The following NXPE4 variants were observed in gnomAD, a reference collection of about 807,000 sequenced individuals.
NXPE4 encodes NXPE family member 4.
Under a neutral mutation model 33.3 loss-of-function variants are expected in NXPE4, and 42 were observed. The observed-to-expected ratio is 1.26, with a 90% CI of 0.98 to 1.63. The LOEUF is 1.63. Among genes scored for constraint, NXPE4 ranks in the 40% most tolerant of loss-of-function variants. The pLI, the probability that NXPE4 is intolerant of heterozygous loss-of-function variation, is 0.00. For synonymous variants in NXPE4, 253 were observed against 234.9 expected (o/e 1.08, Z -0.71); for missense variants, 709 against 647.6 (o/e 1.09, Z -1.03).
At chr11:114,629,994 A>T in the NXPE4 span, among the ~76,000 whole-genome samples, 513 of 150,982 alleles carry the variant, frequency 3.4e-3, 3 homozygotes, top group African/African-American at 0.012. Flanking sequence ...AAGGAGAACT[A>T]CAAACCACTG....
chr11:114,626,763 A>G, the NXPE4 span, among the ~76,000 whole-genome samples: 2 of 152,172 alleles, frequency 1.3e-5, no homozygotes, highest in Admixed American at 1.3e-4. Context: ...AGAAGTTGAA[A>G]ACTTTGAAAA....
At chr11:114,629,405 A>G in the NXPE4 span, among the ~76,000 whole-genome samples, 1 of 151,940 alleles carries the variant, frequency 6.6e-6, no homozygotes, top group Non-Finnish European at 1.5e-5. Context: ...TATAAACAGA[A>G]CCAAAGACAA....
chr11:114,635,565 A>C, the NXPE4 span, among the ~76,000 whole-genome samples: 4 of 152,110 alleles, frequency 2.6e-5, no homozygotes, highest in African/African-American at 9.6e-5. Flanking sequence ...GAATGCTTCC[A>C]GTTTTTGCCC....
chr11:114,652,138 A>G, the NXPE4 span, among the ~76,000 whole-genome samples: 1 of 152,122 alleles, frequency 6.6e-6, no homozygotes, highest in East Asian at 1.9e-4. Flanking sequence ...TGGCCAATGC[A>G]CTCTAGTAAG....
At chr11:114,576,325 T>C (rs936445374) in intron 5 of NXPE4, among the ~76,000 whole-genome samples, 3 of 148,428 alleles carry the variant, frequency 2.0e-5, no homozygotes, top group Non-Finnish European at 4.5e-5. Context: ...CAAAAGCAAA[T>C]GCAACAAAAA....
chr11:114,617,901 T>A, the NXPE4 span, among the ~76,000 whole-genome samples: 4 of 151,994 alleles, frequency 2.6e-5, no homozygotes, highest in African/African-American at 7.2e-5. Flanking sequence ...ATAATAAGTA[T>A]TGCCTCATGG....
chr11:114,599,744 G>A (rs142686244), upstream of NXPE4, among the ~76,000 whole-genome samples: 359 of 152,142 alleles, frequency 2.4e-3, 1 homozygote, highest in African/African-American at 8.2e-3. Context: ...AAGATCTTGT[G>A]AGAACTCACT....
the NXPE4 span, among the ~76,000 whole-genome samples, chr11:114,656,031 A>C: frequency 6.6e-6 from 1 of 152,142 alleles, no homozygotes; most frequent in South Asian, 2.1e-4. Context: ...AGAAAACCCC[A>C]TCATCTCAGC....
the NXPE4 span, among the ~76,000 whole-genome samples, chr11:114,623,342 T>A: frequency 6.6e-6 from 1 of 151,848 alleles, no homozygotes; most frequent in Non-Finnish European, 1.5e-5. Context: ...TGGTGGAAAA[T>A]AAGTATCGCC....
chr11:114,589,065 T>C (rs571659226), intron 2 of NXPE4, among the ~76,000 whole-genome samples: 21 of 152,052 alleles, frequency 1.4e-4, no homozygotes, highest in Non-Finnish European at 2.8e-4. Flanking sequence ...AAGTCTGGGA[T>C]CCCTGAGGTG....
chr11:114,570,680 T>C lies in NXPE4; in HGVS notation c.*258A>G, dbSNP rs531165939. On this transcript the variant is annotated 3_prime_UTR_variant, in exon 6 of 6. Transcript: ENST00000375478. ...ACTTTTACCCATAGGTGTCTTGACT[T>C]CCCATTGGTGAAGAGGGGTATGGCT... 2.8e-5 allele frequency: 8 copies of C among 285,138 alleles called. No individual in the cohort carries two copies. The South Asian group carries it at 8.6e-4, about 31-fold the overall frequency. The allele number at this position is 285,138 out of a possible 1,614,324, so 17.7% of individuals were successfully genotyped here.
chr11:114,637,527 G>C, the NXPE4 span, among the ~76,000 whole-genome samples: 1 of 150,806 alleles, frequency 6.6e-6, no homozygotes, highest in Non-Finnish European at 1.5e-5. Flanking sequence ...TGGTTATTTT[G>C]CTCGTTAGTT....
chr11:114,651,434 T>C, the NXPE4 span, among the ~76,000 whole-genome samples: 1 of 152,172 alleles, frequency 6.6e-6, no homozygotes, highest in Non-Finnish European at 1.5e-5. Context: ...CGGTGAGTGT[T>C]ACAGCTCATA....
chr11:114,601,009 G>A, the NXPE4 span, among the ~76,000 whole-genome samples: 4 of 151,940 alleles, frequency 2.6e-5, no homozygotes, highest in Admixed American at 2.0e-4. Flanking sequence ...ACAGGTTGAT[G>A]CTGCCACTTG....
At chr11:114,620,371 G>A in the NXPE4 span, among the ~76,000 whole-genome samples, 6,466 of 151,690 alleles carry the variant, frequency 0.043, 457 homozygotes, top group African/African-American at 0.15. Flanking sequence ...TGGAAAATAA[G>A]TGTTGCCTCG....
At chr11:114,675,085 G>A in the NXPE4 span, among the ~76,000 whole-genome samples, 2 of 151,590 alleles carry the variant, frequency 1.3e-5, no homozygotes, top group Admixed American at 1.3e-4. Context: ...AAAAGGATTT[G>A]ACAATATTCA....
chr11:114,586,969 C>G (rs772100588), intron 2 of NXPE4, among the ~76,000 whole-genome samples: 3 of 152,148 alleles, frequency 2.0e-5, no homozygotes, highest in Non-Finnish European at 4.4e-5. Context: ...CCCCACACCC[C>G]CTGTGAACAT....
In NXPE4 at chr11:114,570,971, A is replaced by G. The variant is rs775150195; in HGVS notation, c.1602T>C (p.Asn534=). The G allele has an allele frequency of 2.5e-6, 4 of 1,609,022 alleles. No homozygotes were observed. Among genetic ancestry groups the G allele is most frequent in the Non-Finnish European group, 3.4e-6 (4 of 1,176,532 alleles). The change falls in exon 6 of 6, where the codon AAT becomes AAC. Residue 534 remains asparagine, a synonymous_variant. Transcript: ENST00000375478. Reference sequence around the variant, plus strand: ...TATAGTTTAATAATATATTAATCTGATTTCCGACTACATGTTGAGGTGGGT... The same window carrying G: ...TATAGTTTAATAATATATTAATCTGGTTTCCGACTACATGTTGAGGTGGGT... ...NVHPPQHVVG[N]QINILLNYIC is the part of the protein sequence containing the mutation.
At chr11:114,584,496 A>G (rs1459028991) in intron 2 of NXPE4, 1 of 183,708 alleles carries the variant, frequency 5.4e-6, no homozygotes, top group Non-Finnish European at 1.1e-5. Context: ...CAGATGAATT[A>G]CCTGTGAGGA....
Sources: allele counts gnomAD v4.1 joint callset (sites outside exome capture counted in the v4.1 genomes callset), GRCh38; gene constraint gnomAD v4.1.1; transcripts MANE v1.5; gene names NCBI Gene and HGNC (gene_info 2026-07-23, HGNC 2026-07-21).